Variants in MAGI1 observed in about 807,000 individuals in gnomAD.
MAGI1 encodes membrane associated guanylate kinase, WW and PDZ domain containing 1, also known as membrane-associated guanylate kinase, WW and PDZ domain-containing protein 1.
In MAGI1, 58 loss-of-function variants were observed where a neutral mutation model predicts 139.9. The ratio of observed to expected loss-of-function variants is 0.41; its 90% CI spans 0.34 to 0.52. The LOEUF is 0.52. Among genes scored for constraint, MAGI1 ranks in the 20% least tolerant of loss-of-function variants. MAGI1 has a pLI of 0.12. For synonymous variants in MAGI1, 812 were observed against 737.9 expected (o/e 1.10, Z -1.63); for missense variants, 1,874 against 1,901.6 (o/e 0.99, Z 0.27).
At chr3:65,449,514 C>T (rs1353318556) in intron 6 of MAGI1, among the ~76,000 whole-genome samples, 3 of 152,108 alleles carry the variant, frequency 2.0e-5, no homozygotes, top group Admixed American at 1.3e-4. Context: ...GTGTCTCATG[C>T]CTGTAATCCT....
At chr3:65,606,945 A>ACC (rs2082773774) in intron 2 of MAGI1, among the ~76,000 whole-genome samples, 1 of 152,126 alleles carries the variant, frequency 6.6e-6, no homozygotes, top group Non-Finnish European at 1.5e-5. Flanking sequence ...GGTGTGAGCC[A>ACC]CCACTCCTGA....
chr3:65,454,555 T>TAATAA (rs1457403082), intron 5 of MAGI1, among the ~76,000 whole-genome samples: 1 of 135,644 alleles, frequency 7.4e-6, no homozygotes, highest in African/African-American at 2.7e-5. Flanking sequence ...ATAATAATAA[T>TAATAA]AAAAAAATAC....
chr3:65,678,518 C>A (rs1458162720), intron 1 of MAGI1, among the ~76,000 whole-genome samples: 1 of 152,034 alleles, frequency 6.6e-6, no homozygotes, highest in Non-Finnish European at 1.5e-5. Context: ...TTAAGGGAAA[C>A]GTACATACAG....
chr3:65,722,716 AT>A (rs1431890902), intron 1 of MAGI1, among the ~76,000 whole-genome samples: 1 of 152,192 alleles, frequency 6.6e-6, no homozygotes, highest in Non-Finnish European at 1.5e-5. Flanking sequence ...TTTTATCTAA[AT>A]CATAAAATAT....
intron 2 of MAGI1, among the ~76,000 whole-genome samples, chr3:65,530,324 C>A (rs977937088): frequency 3.3e-5 from 5 of 152,050 alleles, no homozygotes; most frequent in African/African-American, 1.2e-4. Context: ...TTCTCCATCA[C>A]AAACTCCTCC....
intron 5 of MAGI1, among the ~76,000 whole-genome samples, chr3:65,457,485 T>C (rs1949478249): frequency 6.6e-6 from 1 of 152,208 alleles, no homozygotes; most frequent in African/African-American, 2.4e-5. Context: ...ATAAGGAACT[T>C]CTTTGACCTC....
chr3:65,489,239 A>G (rs752947123), intron 3 of MAGI1, among the ~76,000 whole-genome samples: 1 of 152,184 alleles, frequency 6.6e-6, no homozygotes, highest in Non-Finnish European at 1.5e-5. Context: ...CACAAGCCCT[A>G]GCAAAAATAA....
chr3:65,540,186 C>A (rs892290812), intron 2 of MAGI1, among the ~76,000 whole-genome samples: 1 of 152,182 alleles, frequency 6.6e-6, no homozygotes, highest in Non-Finnish European at 1.5e-5. Context: ...AACTTCTAAG[C>A]TAAAAGAAAT....
At chr3:65,457,901 T>C (rs1949508706) in intron 5 of MAGI1, among the ~76,000 whole-genome samples, 1 of 152,146 alleles carries the variant, frequency 6.6e-6, no homozygotes, top group African/African-American at 2.4e-5. Flanking sequence ...ATTCATTCTT[T>C]CTATTTTTTT....
At chr3:65,794,122 T>C (rs1577142525) in intron 1 of MAGI1, among the ~76,000 whole-genome samples, 1 of 152,100 alleles carries the variant, frequency 6.6e-6, no homozygotes, top group East Asian at 1.9e-4. Flanking sequence ...ACTAAAAGGA[T>C]GAGACGCAAG....
chr3:65,569,731 G>A (rs2080856034), intron 2 of MAGI1, among the ~76,000 whole-genome samples: 1 of 151,752 alleles, frequency 6.6e-6, no homozygotes, highest in African/African-American at 2.4e-5. Context: ...AAATAAATTA[G>A]CCATGCATGA....
intron 8 of MAGI1, among the ~76,000 whole-genome samples, chr3:65,440,214 C>A (rs191714251): frequency 6.6e-6 from 1 of 152,252 alleles, no homozygotes; most frequent in Admixed American, 6.5e-5. Context: ...AAGCACTGGG[C>A]TACCAGTTTT....
intron 9 of MAGI1, among the ~76,000 whole-genome samples, chr3:65,437,827 T>C (rs73129700): frequency 0.16 from 24,748 of 152,210 alleles, 2,119 homozygotes; most frequent in South Asian, 0.25. Flanking sequence ...TATTCAATTG[T>C]ACATTCTCAT....
chr3:65,644,605 T>C (rs1442173064), intron 1 of MAGI1, among the ~76,000 whole-genome samples: 1 of 151,930 alleles, frequency 6.6e-6, no homozygotes, highest in African/African-American at 2.4e-5. Flanking sequence ...ATTTTAGAAC[T>C]ATAAATTATA....
chr3:65,704,601 A>G (rs17369000), intron 1 of MAGI1, among the ~76,000 whole-genome samples: 2,112 of 152,290 alleles, frequency 0.014, 16 homozygotes, highest in Non-Finnish European at 0.022. Context: ...CACATTTGAC[A>G]AAAGAGTCAA....
intron 1 of MAGI1, among the ~76,000 whole-genome samples, chr3:65,811,568 A>G (rs983811118): frequency 1.3e-5 from 2 of 152,188 alleles, no homozygotes; most frequent in African/African-American, 4.8e-5. Context: ...AGAGCCAGCT[A>G]GTCAGTCTCT....
chr3:65,984,658 C>T (rs562734510), intron 1 of MAGI1, among the ~76,000 whole-genome samples: 98 of 149,904 alleles, frequency 6.5e-4, no homozygotes, highest in Non-Finnish European at 1.2e-3. Context: ...GCCTTACTCT[C>T]GGGAGTAGCT....
chr3:65,768,289 G>A (rs191840125), intron 1 of MAGI1, among the ~76,000 whole-genome samples: 63 of 152,186 alleles, frequency 4.1e-4, no homozygotes, highest in Non-Finnish European at 6.8e-4. Flanking sequence ...GTATGGTGGT[G>A]CCCACCTGTA....
rs142516297 is a variant in MAGI1, at chr3:65,946,633, C to T, written c.313+91363G>A. On this transcript the variant is annotated intron_variant, in intron 1 of 22. Coordinates refer to ENST00000402939, the MANE Select transcript of MAGI1 (RefSeq NM_001033057.2). ...TTATGTCATCTGCCTACAAGTAGGC[C>T]TCACTGTTTTGCAGTCATCCATTTC... Among the ~76,000 whole-genome samples the T allele has an allele frequency of 2.8e-3, 427 of 152,144 alleles. 3 individuals carry two copies. The highest frequency in any genetic ancestry group is 1.7e-3 in the Non-Finnish European group (114 of 68,004).
Sources: allele counts gnomAD v4.1 joint callset (sites outside exome capture counted in the v4.1 genomes callset), GRCh38; gene constraint gnomAD v4.1.1; transcripts MANE v1.5; gene names NCBI Gene and HGNC (gene_info 2026-07-23, HGNC 2026-07-21).